FAM149A: variants seen among roughly 807,000 people sequenced by gnomAD.
FAM149A encodes the protein protein FAM149A.
A neutral mutation model predicts 78.2 loss-of-function variants in FAM149A; 71 were observed. That is an observed-to-expected ratio of 0.91 (90% CI 0.75 to 1.11). FAM149A has a LOEUF of 1.11. FAM149A is among the 50% of genes least tolerant of loss of function. The pLI is 0.00. For missense variants in FAM149A, 1,036 were observed against 971.0 expected (o/e 1.07, Z -0.89); for synonymous variants, 446 against 410.5 (o/e 1.09, Z -1.04).
At chr4:186,109,900 GTTAGT>G in intron 1 of FAM149A, 12 of 985,260 alleles carry the variant, frequency 1.2e-5, no homozygotes, top group Non-Finnish European at 1.4e-5. Flanking sequence ...GAAGATAAGG[GTTAGT>G]TTAATTAACA....
At chr4:186,143,476 T>C (rs781724388) in intron 1 of FAM149A, among the ~76,000 whole-genome samples, 5 of 152,214 alleles carry the variant, frequency 3.3e-5, no homozygotes, top group Non-Finnish European at 7.3e-5. Flanking sequence ...TTATAATTTA[T>C]AACCACTTAC....
In FAM149A at chr4:186,162,807, ATTCTTTTT is replaced by A. The variant is rs765799369; in HGVS notation, c.1576-35_1576-28del. ...ATTGGAACGGCACTGGGCATTTGTA[ATTCTTTTT>A]TTTTTTTTTTTTTTTTTTACTGTTC... On this transcript the variant is annotated intron_variant, in intron 8 of 13. Transcript: ENST00000389354. The A allele has an allele frequency of 2.3e-5, 23 of 994,182 alleles. No homozygotes were observed. The African/African-American group carries it at 3.9e-4, about 17-fold the overall frequency. 61.6% of individuals were successfully genotyped at this position (994,182 alleles called of 1,614,324 possible).
intron 1 of FAM149A, among the ~76,000 whole-genome samples, chr4:186,141,056 A>G (rs949913125): frequency 6.6e-6 from 1 of 152,210 alleles, no homozygotes; most frequent in Non-Finnish European, 1.5e-5. Flanking sequence ...GTGAGATGGT[A>G]TCTCATTGTG....
In FAM149A at chr4:186,149,235, C is replaced by G. The variant is rs1045522022; in HGVS notation, c.629C>G (p.Pro210Arg). The G allele has an allele frequency of 7.0e-6, 9 of 1,289,276 alleles. No homozygotes were observed. Among genetic ancestry groups the G allele is most frequent in the Non-Finnish European group, 7.1e-6 (7 of 988,618 alleles). The allele number at this position is 1,289,276 out of a possible 1,614,324, so 79.9% of individuals were successfully genotyped here. The change falls in exon 2 of 14, where the codon CCT (proline) becomes CGT (arginine). Residue 210 changes from proline (P) to arginine (R), a missense_variant. Pro to Arg is a moderately radical substitution (Grantham distance 103). Transcript: ENST00000389354. Reference sequence around the variant, plus strand: ...ACTGTGAGGAGCAAAGATTCTTTACCTACGCATTTTACAAGAAATGTGCAG... The same window carrying G: ...ACTGTGAGGAGCAAAGATTCTTTACGTACGCATTTTACAAGAAATGTGCAG...
At position 186,162,301 on chromosome 4, in the gene FAM149A, A is replaced by G. The variant is rs149895090; in HGVS notation, c.1576-544A>G. The stretch of plus-strand genomic sequence containing the variant: ...CGCTTCTGGGAAGAGAACCCAGGCA[A>G]GTGTGGAGAGGAGGAGAGGAGAGGT... On this transcript the variant is annotated intron_variant, in intron 8 of 13. Transcript: ENST00000389354. 5.6e-3 allele frequency among the ~76,000 whole-genome samples: 856 copies of G among 152,304 alleles called. 12 individuals are homozygous for G. The highest frequency in any genetic ancestry group is 0.019 in the African/African-American group (806 of 41,564).
chr4:186,159,531 G>T (rs547013513), intron 8 of FAM149A, among the ~76,000 whole-genome samples: 3 of 152,204 alleles, frequency 2.0e-5, no homozygotes, highest in East Asian at 1.9e-4. Context: ...GGAATCGAGA[G>T]GCCTGAGAGG....
intron 1 of FAM149A, among the ~76,000 whole-genome samples, chr4:186,108,293 A>G (rs2099309608): frequency 6.6e-6 from 1 of 152,222 alleles, no homozygotes; most frequent in Non-Finnish European, 1.5e-5. Flanking sequence ...TGTCTGCAAG[A>G]AATGCGGATC....
At chr4:186,125,612 A>C in intron 1 of FAM149A, 1 of 739,398 alleles carries the variant, frequency 1.4e-6, no homozygotes, top group Non-Finnish European at 1.7e-6. Flanking sequence ...AGTCAACAGC[A>C]CAGGCTTGTT....
At chr4:186,127,046 A>G (rs1230679326) in intron 1 of FAM149A, 2 of 985,280 alleles carry the variant, frequency 2.0e-6, no homozygotes, top group Non-Finnish European at 2.4e-6. Flanking sequence ...TGTTGCGGGC[A>G]GGACAGTTAC....
At chr4:186,117,093 G>C (rs2099314057) in intron 1 of FAM149A, among the ~76,000 whole-genome samples, 1 of 68,328 alleles carries the variant, frequency 1.5e-5, no homozygotes. Context: ...TATTCAAAGA[G>C]ACATTGTAAG....
chr4:186,164,290 T>C lies in FAM149A; in HGVS notation c.1889+657T>C, dbSNP rs1734840611. The C allele has an allele frequency of 6.3e-6, 1 of 158,568 alleles. No individual in the cohort carries two copies. Among genetic ancestry groups the C allele is most frequent in the African/African-American group, 2.4e-5 (1 of 41,578 alleles). The allele number at this position is 158,568 out of a possible 1,614,324, so 9.8% of individuals were successfully genotyped here. ...CTTTATATTGTTGGGACTCATACTA[T>C]CCCAAATCTGAGATGAGGGAACAGG... On this transcript the variant is annotated intron_variant, in intron 10 of 13. Transcript: ENST00000389354. The surrounding 1 kb of genome is among the most constrained non-coding windows in gnomAD (Gnocchi z 4.0).
chr4:186,146,526 AC>A, intron 1 of FAM149A: 2 of 982,764 alleles, frequency 2.0e-6, no homozygotes, highest in Non-Finnish European at 2.4e-6. Context: ...AAGAGCTTCC[AC>A]CCTTTCCCCT....
In FAM149A at chr4:186,133,039, G is replaced by A. The variant is rs74649607; in HGVS notation, c.567-16134G>A. On this transcript the variant is annotated intron_variant, in intron 1 of 13. Coordinates refer to ENST00000389354, the MANE Select transcript of FAM149A (RefSeq NM_001367768.3). ...GCTGGCCTGCACTCAGCACTGCTTA[G>A]GAATGTGAGTAAAGGCTTCTGACTC... 3,606 of 985,368 alleles carry A rather than the reference G, an allele frequency of 3.7e-3. 107 individuals are homozygous for A. The African/African-American group carries it at 0.058, about 16-fold the overall frequency. The allele number at this position is 985,368 out of a possible 1,614,324, so 61.0% of individuals were successfully genotyped here.
intron 1 of FAM149A, chr4:186,133,315 T>C (rs2126366883): frequency 1.8e-6 from 1 of 545,208 alleles, no homozygotes; most frequent in Non-Finnish European, 2.3e-6. Context: ...AAGTTTTTCA[T>C]CATCTCAAAC....
chr4:186,125,719 AT>A (rs1453265566), intron 1 of FAM149A: 14 of 984,484 alleles, frequency 1.4e-5, no homozygotes, highest in Non-Finnish European at 1.6e-5. Flanking sequence ...CACTACTATT[AT>A]TGTGAATAGC....
At chr4:186,123,146 G>C (rs554995749) in intron 1 of FAM149A, 2 of 843,078 alleles carry the variant, frequency 2.4e-6, no homozygotes, top group Admixed American at 1.2e-4. Flanking sequence ...CTGATGTGGA[G>C]TCCAGTGTTA....
chr4:186,147,110 C>T lies in FAM149A; in HGVS notation c.567-2063C>T, dbSNP rs141961188. 5.0e-3 allele frequency among the ~76,000 whole-genome samples: 766 copies of T among 152,252 alleles called. 3 individuals are homozygous for T. The highest frequency in any genetic ancestry group is 0.017 in the African/African-American group (710 of 41,538). ...TGATAATAGCAGTGAGAGGACAGTG[C>T]GGTGGCTCATGCCTATAGTCCCAGC... On this transcript the variant is annotated intron_variant, in intron 1 of 13. Transcript: ENST00000389354.
At chr4:186,126,833 G>T in intron 1 of FAM149A, 5 of 951,342 alleles carry the variant, frequency 5.3e-6, no homozygotes, top group Non-Finnish European at 6.3e-6. Context: ...GTATGTCTCT[G>T]TATCTTATTG....
intron 1 of FAM149A, among the ~76,000 whole-genome samples, chr4:186,111,169 G>GT (rs1405248683): frequency 1.3e-5 from 2 of 148,454 alleles, no homozygotes; most frequent in African/African-American, 5.0e-5. Flanking sequence ...TTTTTCATGT[G>GT]TTTTTTGGCT....
Sources: allele counts gnomAD v4.1 joint callset (sites outside exome capture counted in the v4.1 genomes callset), GRCh38; gene constraint gnomAD v4.1.1; non-coding constraint Gnocchi (gnomAD v3.1); transcripts MANE v1.5; gene names NCBI Gene and HGNC (gene_info 2026-07-23, HGNC 2026-07-21).